Variants in ZNF385C observed in about 807,000 individuals in gnomAD.
ZNF385C encodes CTD-2132N18.2.
A neutral mutation model predicts 35.4 loss-of-function variants in ZNF385C; 28 were observed. That is an observed-to-expected ratio of 0.79 (90% CI 0.59 to 1.08). ZNF385C has a LOEUF of 1.08. Ranked by LOEUF, ZNF385C falls within the 50% of genes least tolerant of loss-of-function variation. The pLI is 0.00. For missense variants in ZNF385C, 605 were observed against 595.6 expected, an observed-to-expected ratio of 1.02 and a Z score of -0.16; for synonymous variants, 248 against 248.2, an observed-to-expected ratio of 1.00 and a Z score of 0.01.
chr17:42,027,460 G>A (rs551091057), intron 8 of ZNF385C, among the ~76,000 whole-genome samples, 158 bp downstream of exon 8: 8 of 151,704 alleles, frequency 5.3e-5, no homozygotes, highest in Admixed American at 5.2e-4. Context: ...ATTCCTCTGC[G>A]CAGATCCCAG....
At chr17:42,045,513 G>C (rs919061486) in intron 2 of ZNF385C, among the ~76,000 whole-genome samples, 2 of 152,216 alleles carry the variant, frequency 1.3e-5, no homozygotes, top group African/African-American at 4.8e-5. Context: ...TATCCTTTTG[G>C]AGAGGACAAA....
rs2052878432 is a variant in ZNF385C at position 42,037,315 on chromosome 17, C to T, written c.399+422G>A. ...TACAAACACACGTTGGACACCAACA[C>T]ACAAACTCACATCCACATATAACAT... On this transcript the variant is annotated intron_variant, in intron 3 of 8. Coordinates refer to ENST00000692273, the MANE Select transcript of ZNF385C (RefSeq NM_001392013.1). 2.0e-5 allele frequency among the ~76,000 whole-genome samples: 3 copies of T among 152,080 alleles called. No homozygotes were observed. The South Asian group carries it at 6.2e-4, about 32-fold the overall frequency.
chr17:42,067,794 T>TG (rs1403781396), intron 1 of ZNF385C, among the ~76,000 whole-genome samples: 2 of 152,030 alleles, frequency 1.3e-5, no homozygotes, highest in Admixed American at 6.6e-5. Flanking sequence ...CAAGTGTTGG[T>TG]GGGGGGAGAG....
At chr17:42,032,578 A>G (rs2052755232) in intron 4 of ZNF385C, among the ~76,000 whole-genome samples, 1 of 152,232 alleles carries the variant, frequency 6.6e-6, no homozygotes, top group African/African-American at 2.4e-5. Flanking sequence ...TTTGGGGTGT[A>G]TGTACCCCAG....
Position 42,026,785 on chromosome 17 carries a change from G to C in ZNF385C, c.*112C>G. ...GCCCAGCTCTTTCTGGATCGGGCAGGACCCCTGAAGCTGTTCACAGTCCCT... is the reference window on the plus strand; with the variant it reads ...GCCCAGCTCTTTCTGGATCGGGCAGCACCCCTGAAGCTGTTCACAGTCCCT... On this transcript the variant is annotated 3_prime_UTR_variant, in exon 9 of 9. Coordinates refer to ENST00000692273, the MANE Select transcript of ZNF385C (RefSeq NM_001392013.1). The C allele has an allele frequency of 9.4e-7, 1 of 1,063,208 alleles. No individual in the cohort carries two copies. Among genetic ancestry groups the C allele is most frequent in the Non-Finnish European group, 1.4e-6 (1 of 703,024 alleles). 65.9% of individuals were successfully genotyped at this position (1,063,208 alleles called of 1,614,324 possible). A position where few individuals can be genotyped will look rare whatever the true frequency, so the allele number is the denominator to read the frequency against.
intron 1 of ZNF385C, among the ~76,000 whole-genome samples, chr17:42,087,377 C>T (rs7222458): frequency 0.038 from 5,801 of 152,256 alleles, 124 homozygotes; most frequent in Middle Eastern, 0.1. Flanking sequence ...TTACCTGACA[C>T]AATCAGCATT....
intron 1 of ZNF385C, among the ~76,000 whole-genome samples, chr17:42,065,672 A>G (rs781872839): frequency 2.0e-5 from 3 of 152,218 alleles, no homozygotes; most frequent in Non-Finnish European, 4.4e-5. Context: ...CGATAAGGGC[A>G]GGAGCTCTTT....
chr17:42,044,827 A>T (rs1227719522), intron 2 of ZNF385C, among the ~76,000 whole-genome samples: 3 of 148,712 alleles, frequency 2.0e-5, no homozygotes, highest in African/African-American at 7.5e-5. Flanking sequence ...TACCTCCCTC[A>T]CTCTGCCACC....
chr17:42,086,132 C>T (rs1452359140), intron 1 of ZNF385C, among the ~76,000 whole-genome samples: 1 of 152,118 alleles, frequency 6.6e-6, no homozygotes, highest in Non-Finnish European at 1.5e-5. Context: ...TGGCTCACGC[C>T]TGTAATCCCA....
chr17:42,049,125 C>T (rs1198469045), intron 2 of ZNF385C, among the ~76,000 whole-genome samples: 3 of 152,088 alleles, frequency 2.0e-5, no homozygotes, highest in East Asian at 1.9e-4. Context: ...TCCAGAGTGC[C>T]AGGTTCCCAT....
intron 1 of ZNF385C, among the ~76,000 whole-genome samples, chr17:42,067,682 A>G (rs1432486261): frequency 6.6e-6 from 1 of 151,998 alleles, no homozygotes; most frequent in Non-Finnish European, 1.5e-5. Context: ...AATATTTTGC[A>G]CCTTCTCACC....
At chr17:42,055,208 T>C (rs2053354180) in intron 2 of ZNF385C, among the ~76,000 whole-genome samples, 1 of 152,168 alleles carries the variant, frequency 6.6e-6, no homozygotes, top group African/African-American at 2.4e-5. Flanking sequence ...CGGCAGCTCC[T>C]GAAAACAGGT....
intron 1 of ZNF385C, among the ~76,000 whole-genome samples, chr17:42,077,372 T>C (rs1448545699): frequency 6.6e-6 from 1 of 152,120 alleles, no homozygotes; most frequent in African/African-American, 2.4e-5. Flanking sequence ...TAATTAGGTG[T>C]TGCTGGTCCC....
chr17:42,080,196 G>A (rs1123363), intron 1 of ZNF385C, among the ~76,000 whole-genome samples: 9,142 of 152,218 alleles, frequency 0.06, 454 homozygotes, highest in African/African-American at 0.14. Flanking sequence ...TTCCTGAGAG[G>A]ACAGCCTTAT....
Position 42,026,678 on chromosome 17 carries a change from C to T in ZNF385C, c.*219G>A, listed in dbSNP as rs1555654205. 3.4e-6 allele frequency: 2 copies of T among 595,884 alleles called. No homozygotes were observed. The highest frequency in any genetic ancestry group is 6.0e-6 in the Non-Finnish European group (2 of 334,754). 36.9% of individuals were successfully genotyped at this position (595,884 alleles called of 1,614,324 possible). A position where few individuals can be genotyped will look rare whatever the true frequency, so the allele number is the denominator to read the frequency against. ...TTGGGGTCTGTCAGGGTGGGAAATG[C>T]AGGCAAGCCTAGGATTAACCCTGGA... On this transcript the variant is annotated 3_prime_UTR_variant, in exon 9 of 9. Transcript: ENST00000692273.
At position 42,026,935 on chromosome 17, in the gene ZNF385C, G is replaced by A. The variant is rs1265856535; in HGVS notation, c.1474C>T (p.Arg492Cys). 6 of 1,607,722 alleles carry A rather than the reference G, an allele frequency of 3.7e-6. No individual in the cohort carries two copies. Among genetic ancestry groups the A allele is most frequent in the East Asian group, 2.2e-5 (1 of 44,638 alleles). Reference protein sequence around the residue: ...ALFRTPAGAVRPATGPIVLAP... With the variant: ...ALFRTPAGAVCPATGPIVLAP... ...AGGACGATAGGTCCTGTGGCAGGGC[G>A]GACAGCTCCTGCTGGGGTGCGAAAC... Residue 492 changes from arginine to cysteine, a missense_variant, in exon 9 of 9, where the codon CGC (arginine) becomes TGC (cysteine). Coordinates refer to ENST00000692273, the MANE Select transcript of ZNF385C (RefSeq NM_001392013.1).
intron 2 of ZNF385C, among the ~76,000 whole-genome samples, chr17:42,051,514 C>G (rs1235002430): frequency 1.3e-5 from 2 of 151,936 alleles, no homozygotes; most frequent in Non-Finnish European, 2.9e-5. Context: ...GAGCCTGTTT[C>G]CTCATCTGTA....
intron 2 of ZNF385C, among the ~76,000 whole-genome samples, chr17:42,042,058 A>G (rs2053035006): frequency 6.6e-6 from 1 of 152,206 alleles, no homozygotes; most frequent in Non-Finnish European, 1.5e-5. Context: ...CCAATTAAAC[A>G]GGCTCAGCAC....
intron 8 of ZNF385C, 117 bp from the exon 9 acceptor site, chr17:42,027,250 C>A: frequency 1.1e-6 from 1 of 880,686 alleles, no homozygotes; most frequent in Admixed American, 2.2e-5. Context: ...GAGTTCCAAA[C>A]CTAAATCCTC....
Sources: gnomAD v4.1 joint callset for allele counts (sites outside exome capture counted in the v4.1 genomes callset) on GRCh38, gnomAD v4.1.1 for gene constraint, MANE v1.5 for transcripts, NCBI Gene and HGNC (gene_info 2026-07-23, HGNC 2026-07-21) for gene names.